Variants in THG1L observed in about 807,000 individuals in gnomAD.
THG1L encodes tRNA-histidine guanylyltransferase 1 like.
Under a neutral mutation model 35.2 loss-of-function variants are expected in THG1L, and 27 were observed. The observed-to-expected ratio is 0.77, with a 90% CI of 0.57 to 1.06. The LOEUF is 1.06. THG1L is among the 50% of genes least tolerant of loss of function. The probability of loss-of-function intolerance (pLI) is 0.00; values close to 1 mark genes in which losing one functional copy is unlikely to be tolerated. For missense variants in THG1L, 377 were observed against 371.8 expected (o/e 1.01, Z -0.12); for synonymous variants, 135 against 132.4 (o/e 1.02, Z -0.14).
At chr5:157,731,857 A>G (rs1469186719) in intron 1 of THG1L, among the ~76,000 whole-genome samples, 1 of 152,224 alleles carries the variant, frequency 6.6e-6, no homozygotes, top group Non-Finnish European at 1.5e-5. Flanking sequence ...CGTGATGAGG[A>G]TCTGGCTTGG....
At position 157,733,711 on chromosome 5, in the gene THG1L, G is replaced by A. The variant is rs1157565503; in HGVS notation, c.368+667G>A. Among the ~76,000 whole-genome samples, 10 of 152,154 alleles carry A rather than the reference G, an allele frequency of 6.6e-5. No individual in the cohort carries two copies. In the South Asian group the frequency reaches 8.3e-4, roughly 13 times the overall value. On this transcript the variant is annotated intron_variant, in intron 2 of 5. Transcript: ENST00000231198. ...AAACAGATCAGGCGTGGTGGCTCAC[G>A]CCTGTAATCCCAACACTTTGAGAGG...
rs568106525 is a variant in THG1L at position 157,738,076 on chromosome 5, G to A, written c.735+82G>A. 6.7e-6 allele frequency: 7 copies of A among 1,046,896 alleles called. No homozygotes were observed. The South Asian group carries it at 9.8e-5, about 15-fold the overall frequency. The allele number at this position is 1,046,896 out of a possible 1,614,324, so 64.9% of individuals were successfully genotyped here. A position where few individuals can be genotyped will look rare whatever the true frequency, so the allele number is the denominator to read the frequency against. ...CATTCCAAGCTGTGCCCTCCCTGCT[G>A]CCTGTATGCTGATGTTACTCCAGTT... is the stretch of plus-strand genomic sequence containing the variant. On this transcript the variant is annotated intron_variant, in intron 5 of 5. Transcript: ENST00000231198.
At position 157,734,678 on chromosome 5, in the gene THG1L, C is replaced by T. The variant is rs557974581; in HGVS notation, c.471C>T (p.Asp157=). Reference sequence around the variant, plus strand: ...CCCTTCTGTATCCCCCAGGCTTTGACGGAAGAGTCGTGGTGTATCCCAGCA... The same window carrying T: ...CCCTTCTGTATCCCCCAGGCTTTGATGGAAGAGTCGTGGTGTATCCCAGCA... The part of the protein sequence containing the change: ...DQPLLYPPGF[D]GRVVVYPSNQ... The change falls in exon 3 of 6, where the codon GAC becomes GAT. Residue 157 remains aspartate, a synonymous_variant. Transcript: ENST00000231198. The T allele has an allele frequency of 1.1e-5, 17 of 1,614,058 alleles. No homozygotes were observed. The highest frequency in any genetic ancestry group is 6.7e-5 in the Admixed American group (4 of 60,020).
chr5:157,731,525 A>C lies in THG1L; in HGVS notation c.85A>C (p.Thr29Pro). The change falls in exon 1 of 6, where the codon ACC becomes CCC. Residue 29 changes from threonine (T) to proline (P), a missense_variant. By Grantham distance (38) the Thr-to-Pro change is conservative (BLOSUM62 -1). Transcript: ENST00000231198. Reference sequence around the variant, plus strand: ...GAGACGGTACCTGAGATTGGGGGCGACCATGGCAAAAAGCAAGTTCGAGTA... The same window carrying C: ...GAGACGGTACCTGAGATTGGGGGCGCCCATGGCAAAAAGCAAGTTCGAGTA... ...TLRRYLRLGA[T>P]MAKSKFEYVR... 1 of 1,612,974 alleles carries C rather than the reference A, an allele frequency of 6.2e-7. No individual in the cohort carries two copies. The highest frequency in any genetic ancestry group is 2.2e-5 in the East Asian group (1 of 44,812).
chr5:157,737,894 T>C lies in THG1L; in HGVS notation c.635T>C (p.Leu212Pro). Residue 212 changes from leucine to proline, a missense_variant, in exon 5 of 6, where the codon CTT becomes CCT. By Grantham distance (98) the Leu-to-Pro change is moderately conservative (BLOSUM62 -3). Transcript: ENST00000231198. ...VQAQGRLQGT[L>P]AADKNEILFS... ...CTATTTTTATTTTCTCAGGGAACTC[T>C]TGCAGCAGACAAGAATGAGATTTTG... The C allele has an allele frequency of 6.2e-7, 1 of 1,612,298 alleles. No homozygotes were observed. Among genetic ancestry groups the C allele is most frequent in the Non-Finnish European group, 8.5e-7 (1 of 1,179,418 alleles).
chr5:157,738,203 A>G (rs1354084764), intron 5 of THG1L, among the ~76,000 whole-genome samples: 1 of 152,216 alleles, frequency 6.6e-6, no homozygotes, highest in Non-Finnish European at 1.5e-5. Flanking sequence ...GCAGAATTAC[A>G]GAATTTTAGA....
chr5:157,733,705 G>A (rs73309089), intron 2 of THG1L, among the ~76,000 whole-genome samples: 6,592 of 151,630 alleles, frequency 0.043, 305 homozygotes, highest in African/African-American at 0.1. Flanking sequence ...AGGCGTGGTG[G>A]CTCACGCCTG....
intron 1 of THG1L, among the ~76,000 whole-genome samples, chr5:157,732,246 AGAG>A (rs1760748341): frequency 1.5e-5 from 1 of 67,852 alleles, no homozygotes; most frequent in Non-Finnish European, 3.0e-5. Flanking sequence ...AAAAAAAAAG[AGAG>A]AGAGAGAGAG....
chr5:157,739,731 G>A lies in THG1L; in HGVS notation c.*249G>A, dbSNP rs542439145. 23 of 345,710 alleles carry A rather than the reference G, an allele frequency of 6.7e-5. No homozygotes were observed. The South Asian group carries it at 2.4e-3, about 37-fold the overall frequency. 21.4% of individuals were successfully genotyped at this position (345,710 alleles called of 1,614,324 possible). A position where few individuals can be genotyped will look rare whatever the true frequency, so the allele number is the denominator to read the frequency against. ...TGGCAGAAGTGCTTTTTTTTTAATCGCAGTACTATTTTTATAAAGCAAGAA... is the reference window on the plus strand; with the variant it reads ...TGGCAGAAGTGCTTTTTTTTTAATCACAGTACTATTTTTATAAAGCAAGAA... On this transcript the variant is annotated 3_prime_UTR_variant, in exon 6 of 6. Transcript: ENST00000231198.
At chr5:157,731,698 G>C in intron 1 of THG1L, 67 bp downstream of exon 1, 5 of 1,528,848 alleles carry the variant, frequency 3.3e-6, no homozygotes, top group South Asian at 2.6e-5. Flanking sequence ...TTCTTCCCTT[G>C]CAAGTCCTCC....
chr5:157,737,789 C>T (rs1056371343), intron 4 of THG1L, 98 bp from the exon 5 acceptor site: 1 of 879,098 alleles, frequency 1.1e-6, no homozygotes, highest in Non-Finnish European at 1.7e-6. Context: ...CCTTCCACTT[C>T]TTGATTGTGG....
chr5:157,731,494 C>T lies in THG1L; in HGVS notation c.54C>T (p.Ile18=). The T allele has an allele frequency of 6.2e-7, 1 of 1,609,840 alleles. No individual in the cohort carries two copies. The highest frequency in any genetic ancestry group is 8.5e-7 in the Non-Finnish European group (1 of 1,177,888). ...ACGATTCCTTGGCCACCATTTCCAT[C>T]ACTCTGAGACGGTACCTGAGATTGG... ...KVHDSLATIS[I]TLRRYLRLGA... is the part of the protein sequence containing the mutation. The change falls in exon 1 of 6, where the codon ATC becomes ATT. Residue 18 remains isoleucine (I), a synonymous_variant. Coordinates refer to ENST00000231198, the MANE Select transcript of THG1L (RefSeq NM_017872.5).
intron 2 of THG1L, 34 bp from the exon 3 acceptor site, chr5:157,734,542 T>G: frequency 1.1e-5 from 18 of 1,610,472 alleles, no homozygotes; most frequent in Non-Finnish European, 1.5e-5. Flanking sequence ...TTTTTCTTTT[T>G]CTTACTCCAC....
At position 157,732,903 on chromosome 5, in the gene THG1L, A is replaced by T; in HGVS notation, c.227A>T (p.Asp76Val). 1 of 1,614,216 alleles carries T rather than the reference A, an allele frequency of 6.2e-7. No individual in the cohort carries two copies. The highest frequency in any genetic ancestry group is 8.5e-7 in the Non-Finnish European group (1 of 1,180,046). ...AAGCACAACTTTGCAAAACCCAATG[A>T]CAGCCGTGCTCTCCAGCTGATGACC... ...AEKHNFAKPN[D>V]SRALQLMTKC... Residue 76 changes from aspartate (D) to valine (V), a missense_variant, in exon 2 of 6, where the codon GAC becomes GTC. Coordinates refer to ENST00000231198, the MANE Select transcript of THG1L (RefSeq NM_017872.5).
At chr5:157,731,707 CCCGCCCG>C in intron 1 of THG1L, 76 bp downstream of exon 1, 3 of 1,506,588 alleles carry the variant, frequency 2.0e-6, no homozygotes, top group Non-Finnish European at 1.8e-6. Context: ...TGCAAGTCCT[CCCGCCCG>C]CTCCAGTCAC....
At chr5:157,738,139 T>C (rs759394626) in intron 5 of THG1L, 145 bp downstream of exon 5, 47 of 634,512 alleles carry the variant, frequency 7.4e-5, no homozygotes, top group Admixed American at 1.7e-4. Flanking sequence ...GGCCATAGAT[T>C]CTTATTTTTA....
At chr5:157,739,034 A>G (rs1760959176) in intron 5 of THG1L, among the ~76,000 whole-genome samples, 1 of 152,034 alleles carries the variant, frequency 6.6e-6, no homozygotes, top group South Asian at 2.1e-4. Context: ...TCAGCCTCCC[A>G]AAGTGCTGAG....
Position 157,732,986 on chromosome 5 carries a change from A to G in THG1L, c.310A>G (p.Ser104Gly), listed in dbSNP as rs1010483412. The change falls in exon 2 of 6, where the codon AGT becomes GGT. Residue 104 changes from serine to glycine, a missense_variant. Ser to Gly is a moderately conservative substitution (Grantham distance 56). Coordinates refer to ENST00000231198, the MANE Select transcript of THG1L (RefSeq NM_017872.5). ...GGATATTGTGATCGCGTATGGACAG[A>G]GTGATGAGTACAGCTTTGTGTTCAA... Reference protein sequence around the residue: ...LEDIVIAYGQSDEYSFVFKRK... With the variant: ...LEDIVIAYGQGDEYSFVFKRK... 1.9e-6 allele frequency: 3 copies of G among 1,614,226 alleles called. No individual in the cohort carries two copies. In the African/African-American group the frequency reaches 4.0e-5, roughly 22 times the overall value.
rs374652836 is a variant in THG1L, at chr5:157,735,887, A to G, written c.580A>G (p.Ile194Val). 2.5e-6 allele frequency: 4 copies of G among 1,607,544 alleles called. No homozygotes were observed. The change falls in exon 4 of 6, where the codon ATA (isoleucine) becomes GTA (valine). Residue 194 changes from isoleucine to valine, a missense_variant. Physicochemically the swap from Ile to Val is conservative, Grantham distance 29. Coordinates refer to ENST00000231198, the MANE Select transcript of THG1L (RefSeq NM_017872.5). Reference sequence around the variant, plus strand: ...TTATAATACAGTTTTCTGGGCACTTATACAACAATCTGGACTAACACCAGT... The same window carrying G: ...TTATAATACAGTTTTCTGGGCACTTGTACAACAATCTGGACTAACACCAGT... ...NLYNTVFWALIQQSGLTPVQA... is the reference protein window; with the variant it reads ...NLYNTVFWALVQQSGLTPVQA...
Sources: gnomAD v4.1 joint callset for allele counts (sites outside exome capture counted in the v4.1 genomes callset) on GRCh38, gnomAD v4.1.1 for gene constraint, MANE v1.5 for transcripts, NCBI Gene and HGNC (gene_info 2026-07-23, HGNC 2026-07-21) for gene names.